Variants in AKAP11 observed in about 807,000 individuals in gnomAD.
AKAP11 encodes the protein A-kinase anchoring protein 11, also known as A-kinase anchor protein 11.
A neutral mutation model predicts 146.1 loss-of-function variants in AKAP11; 36 were observed. That is an observed-to-expected ratio of 0.25 (90% confidence interval 0.19 to 0.33). AKAP11 has a LOEUF of 0.33. Ranked by LOEUF, AKAP11 falls within the 10% of genes least tolerant of loss-of-function variation. The pLI is 1.00. For missense variants in AKAP11, 2,201 were observed against 2,197.0 expected (o/e 1.00, Z -0.04); for synonymous variants, 780 against 786.5 (o/e 0.99, Z 0.14).
chr13:42,313,275 T>G (rs2138692747), intron 10 of AKAP11, 145 bp downstream of exon 10: 1 of 623,450 alleles, frequency 1.6e-6, no homozygotes, highest in East Asian at 3.1e-5. Context: ...GCTTGATGAA[T>G]TCACATCTAA....
intron 9 of AKAP11, among the ~76,000 whole-genome samples, chr13:42,309,630 A>C (rs192101324): frequency 6.6e-6 from 1 of 152,250 alleles, no homozygotes. Flanking sequence ...TTATGGTGCT[A>C]TATAAACCAC....
intron 1 of AKAP11, among the ~76,000 whole-genome samples, chr13:42,274,935 A>G (rs1286252110): frequency 1.3e-5 from 2 of 152,236 alleles, no homozygotes; most frequent in East Asian, 1.9e-4. Flanking sequence ...ACCCACCTCA[A>G]AAAGTTAGTG....
rs1959804655 is a variant in AKAP11, at chr13:42,300,495, A to C, written c.1749A>C (p.Leu583Phe). The C allele has an allele frequency of 2.5e-6, 4 of 1,614,140 alleles. No individual in the cohort carries two copies. The highest frequency in any genetic ancestry group is 3.4e-6 in the Non-Finnish European group (4 of 1,179,978). The change falls in exon 8 of 13, where the codon TTA (leucine) becomes TTC (phenylalanine). Residue 583 changes from leucine to phenylalanine, a missense_variant. By Grantham distance (22) the Leu-to-Phe change is conservative (BLOSUM62 0). Coordinates refer to ENST00000025301, the MANE Select transcript of AKAP11 (RefSeq NM_016248.4). ...CATGTACCAATGCTTTGTACCACTT[A>C]GCCATCAAATTGACATCATCTGTTT... The part of the protein sequence containing the change: ...VSSCTNALYH[L>F]AIKLTSSVLQ...
At chr13:42,296,669 A>G (rs944428120) in intron 5 of AKAP11, among the ~76,000 whole-genome samples, 2 of 152,010 alleles carry the variant, frequency 1.3e-5, no homozygotes, top group African/African-American at 4.8e-5. Flanking sequence ...AGTTTTTAAG[A>G]TGTACATTCT....
rs556513898 is a variant in AKAP11, at chr13:42,290,232, T to C, written c.52-2153T>C. Among the ~76,000 whole-genome samples, 3 of 152,314 alleles carry C rather than the reference T, an allele frequency of 2.0e-5. No homozygotes were observed. In the South Asian group the frequency reaches 6.2e-4, roughly 32 times the overall value. ...TGAAGAGTCTAGGCCAGTTGTGTTG[T>C]AGAATATTTTTATATTTGGGTTCAT... On this transcript the variant is annotated intron_variant, in intron 3 of 12. Transcript: ENST00000025301.
Position 42,302,832 on chromosome 13 carries a change from G to A in AKAP11, c.4086G>A (p.Leu1362=). Residue 1362 remains leucine, a synonymous_variant, in exon 8 of 13, where the codon TTG becomes TTA. Coordinates refer to ENST00000025301, the MANE Select transcript of AKAP11 (RefSeq NM_016248.4). ...ILKQEGGNSE[L]IMDQYANRLA... is the part of the protein sequence containing the mutation. ...AACAGGAAGGTGGTAATAGTGAGTT[G>A]ATAATGGATCAGTATGCCAATAGGC... is the stretch of plus-strand genomic sequence containing the variant. 6.2e-7 allele frequency: 1 copy of A among 1,614,068 alleles called. No homozygotes were observed. Among genetic ancestry groups the A allele is most frequent in the South Asian group, 1.1e-5 (1 of 91,076 alleles).
At chr13:42,296,549 G>A (rs978296846) in intron 5 of AKAP11, among the ~76,000 whole-genome samples, 4 of 152,116 alleles carry the variant, frequency 2.6e-5, no homozygotes, top group African/African-American at 9.6e-5. Context: ...AAATAAAAGC[G>A]ATTTTCTTTT....
intron 11 of AKAP11, among the ~76,000 whole-genome samples, chr13:42,316,946 C>T (rs1258002592): frequency 1.3e-5 from 2 of 152,164 alleles, no homozygotes; most frequent in Non-Finnish European, 2.9e-5. Context: ...GGTGCAATCT[C>T]GGATCACTGC....
chr13:42,308,021 G>A (rs1185686144), intron 8 of AKAP11, among the ~76,000 whole-genome samples: 2 of 152,308 alleles, frequency 1.3e-5, no homozygotes, highest in East Asian at 3.9e-4. Context: ...TACAGGCTTG[G>A]TTGACAATAC....
At position 42,300,574 on chromosome 13, in the gene AKAP11, C is replaced by T. The variant is rs61748843; in HGVS notation, c.1828C>T (p.Arg610Cys). 7,119 of 1,613,868 alleles carry T rather than the reference C, an allele frequency of 4.4e-3. 210 individuals are homozygous for T. The African/African-American group carries it at 0.076, about 17-fold the overall frequency. ...GCAGCGTGCATTTTCACTAAAAGAA[C>T]GTGCCATTAGTGGCCTGGCTAACTT... is the stretch of plus-strand genomic sequence containing the variant. The part of the protein sequence containing the change: ...RRQRAFSLKE[R>C]AISGLANFLV... Residue 610 changes from arginine to cysteine, a missense_variant, in exon 8 of 13, where the codon CGT (arginine) becomes TGT (cysteine). Arg to Cys is a radical substitution (Grantham distance 180). Around this residue, in one of 3 missense-constraint regions of AKAP11, gnomAD observed 1,867 missense variants for 1,833.5 expected, o/e 1.02. Coordinates refer to ENST00000025301, the MANE Select transcript of AKAP11 (RefSeq NM_016248.4).
rs745514913 is a variant in AKAP11, at chr13:42,299,941, C to A, written c.1195C>A (p.Gln399Lys). 6.2e-7 allele frequency: 1 copy of A among 1,613,938 alleles called. No homozygotes were observed. Among genetic ancestry groups the A allele is most frequent in the South Asian group, 1.1e-5 (1 of 91,070 alleles). Residue 399 changes from glutamine to lysine, a missense_variant, in exon 8 of 13, where the codon CAA (glutamine) becomes AAA (lysine). By Grantham distance (53) the Gln-to-Lys change is moderately conservative. This residue lies in a region of AKAP11 where 1,867 missense variants were observed against 1,833.5 expected (regional missense o/e 1.02). Transcript: ENST00000025301. ...HKHGKSCMNP[Q>K]KFKFDRPALP... is the part of the protein sequence containing the mutation. ...ACATGGAAAGTCATGTATGAATCCT[C>A]AAAAATTCAAGTTTGATCGTCCAGC... is the stretch of plus-strand genomic sequence containing the variant.
chr13:42,309,013 A>T (rs1960423061), intron 9 of AKAP11, among the ~76,000 whole-genome samples: 1 of 152,150 alleles, frequency 6.6e-6, no homozygotes, highest in Non-Finnish European at 1.5e-5. Flanking sequence ...GACATTAGTT[A>T]AAATAGTATC....
chr13:42,290,869 C>T (rs1959201424), intron 3 of AKAP11, among the ~76,000 whole-genome samples: 1 of 152,104 alleles, frequency 6.6e-6, no homozygotes, highest in African/African-American at 2.4e-5. Context: ...CAGCCATTTC[C>T]CCAGGGAAAT....
At chr13:42,290,390 A>G (rs1216124494) in intron 3 of AKAP11, among the ~76,000 whole-genome samples, 1 of 152,224 alleles carries the variant, frequency 6.6e-6, no homozygotes, top group Non-Finnish European at 1.5e-5. Flanking sequence ...ACCACCAGAT[A>G]TCTCCAATAT....
chr13:42,271,754 G>A (rs560131572), upstream of AKAP11, among the ~76,000 whole-genome samples: 124 of 152,148 alleles, frequency 8.1e-4, no homozygotes, highest in African/African-American at 2.4e-3. Flanking sequence ...CGCGCAAGAC[G>A]TCCGCCGCAG....
chr13:42,302,643 A>C lies in AKAP11; in HGVS notation c.3897A>C (p.Lys1299Asn), dbSNP rs1208036228. 6.2e-7 allele frequency: 1 copy of C among 1,614,218 alleles called. No homozygotes were observed. The highest frequency in any genetic ancestry group is 1.7e-5 in the Admixed American group (1 of 60,028). ...SCYADGDEDYKVEEKLDIEAV... is the reference protein window; with the variant it reads ...SCYADGDEDYNVEEKLDIEAV... The stretch of plus-strand genomic sequence containing the variant: ...ATGCTGATGGTGACGAAGATTATAA[A>C]GTAGAAGAGAAGTTGGATATAGAGG... The change falls in exon 8 of 13, where the codon AAA (lysine) becomes AAC (asparagine). Residue 1299 changes from lysine to asparagine, a missense_variant. Lys to Asn is a moderately conservative substitution (Grantham distance 94). This residue lies in a region of AKAP11 where 1,867 missense variants were observed against 1,833.5 expected (regional missense o/e 1.02). Coordinates refer to ENST00000025301, the MANE Select transcript of AKAP11 (RefSeq NM_016248.4).
rs150398341 is a variant in AKAP11 at position 42,310,624 on chromosome 13, G to A, written c.5273+2015G>A. ...TCCCAGAACTCTGGGAAGCCAATGG[G>A]GGTGGGGGTGGATCACTTGAGGTCA... is the stretch of plus-strand genomic sequence containing the variant. On this transcript the variant is annotated intron_variant, in intron 9 of 12. Transcript: ENST00000025301. 9.1e-3 allele frequency among the ~76,000 whole-genome samples: 1,382 copies of A among 152,230 alleles called. 11 individuals are homozygous for A. The highest frequency in any genetic ancestry group is 0.035 in the South Asian group (169 of 4,826).
In AKAP11 at chr13:42,302,907, C is replaced by G; in HGVS notation, c.4161C>G (p.Thr1387=). The G allele has an allele frequency of 6.2e-7, 1 of 1,613,814 alleles. No individual in the cohort carries two copies. Among genetic ancestry groups the G allele is most frequent in the South Asian group, 1.1e-5 (1 of 91,040 alleles). The change falls in exon 8 of 13, where the codon ACC becomes ACG. Residue 1387 remains threonine (T), a synonymous_variant. Transcript: ENST00000025301. ...KSGLQEAAKT[T]KVQCNSRMFP... is the part of the protein sequence containing the mutation. Reference sequence around the variant, plus strand: ...GATTACAGGAAGCAGCTAAGACAACCAAAGTGCAGTGCAACTCAAGAATGT... The same window carrying G: ...GATTACAGGAAGCAGCTAAGACAACGAAAGTGCAGTGCAACTCAAGAATGT...
At chr13:42,314,574 T>A (rs904600234) in intron 11 of AKAP11, among the ~76,000 whole-genome samples, 1 of 152,132 alleles carries the variant, frequency 6.6e-6, no homozygotes. Flanking sequence ...ACTCATGTTA[T>A]AAGATAATTT....
Sources: allele counts gnomAD v4.1 joint callset (sites outside exome capture counted in the v4.1 genomes callset), GRCh38; gene constraint gnomAD v4.1.1; regional missense constraint gnomAD v4.1.1; transcripts MANE v1.5; gene names NCBI Gene and HGNC (gene_info 2026-07-23, HGNC 2026-07-21).